Variants in TRAPPC9 observed in about 807,000 individuals in gnomAD.
TRAPPC9 encodes trafficking protein particle complex subunit 9.
A neutral mutation model predicts 124.0 loss-of-function variants in TRAPPC9; 83 were observed. The ratio of observed to expected loss-of-function variants is 0.67; its 90% CI spans 0.56 to 0.80. The LOEUF is 0.80. Ranked by LOEUF, TRAPPC9 falls within the 30% of genes least tolerant of loss-of-function variation. The pLI is 0.00. For missense variants in TRAPPC9, 1,302 were observed against 1,508.3 expected, an observed-to-expected ratio of 0.86 and a Z score of 2.27; for synonymous variants, 638 against 617.5, an observed-to-expected ratio of 1.03 and a Z score of -0.49.
In TRAPPC9 at chr8:140,004,229, T is replaced by C. The variant is rs540183523; in HGVS notation, c.2700-15393A>G. ...TGATTCTAAGTGGCAGTGTGTGAAG[T>C]GTTGCGGGTAATGGAACTGTTCTTT... On this transcript the variant is annotated intron_variant, in intron 18 of 22. Transcript: ENST00000438773. 3.3e-5 allele frequency among the ~76,000 whole-genome samples: 5 copies of C among 152,326 alleles called. No individual in the cohort carries two copies. In the East Asian group the frequency reaches 9.6e-4, roughly 29 times the overall value.
intron 18 of TRAPPC9, among the ~76,000 whole-genome samples, chr8:140,001,388 TAATA>T (rs1838392762): frequency 6.6e-6 from 1 of 151,208 alleles, no homozygotes. Context: ...TAAAGTATAA[TAATA>T]ATAATAATAA....
At chr8:139,853,896 G>A (rs1410964663) in intron 21 of TRAPPC9, among the ~76,000 whole-genome samples, 1 of 152,192 alleles carries the variant, frequency 6.6e-6, no homozygotes, top group Admixed American at 6.5e-5. Context: ...AAATAAATAT[G>A]TTAATATTTT....
At chr8:139,766,804 G>A (rs1820614645) in intron 21 of TRAPPC9, among the ~76,000 whole-genome samples, 1 of 152,226 alleles carries the variant, frequency 6.6e-6, no homozygotes. Context: ...CTCCTCCTAA[G>A]AACACTTTCT....
At chr8:140,309,041 G>A (rs916051541) in intron 10 of TRAPPC9, among the ~76,000 whole-genome samples, 9 of 152,152 alleles carry the variant, frequency 5.9e-5, no homozygotes, top group Admixed American at 5.2e-4. Context: ...GGAAAGGGAC[G>A]CGCACAGAAG....
At chr8:139,914,465 C>T (rs113477942) in intron 19 of TRAPPC9, among the ~76,000 whole-genome samples, 30 of 152,338 alleles carry the variant, frequency 2.0e-4, no homozygotes, top group African/African-American at 6.0e-4. Flanking sequence ...TGGTAGGCAC[C>T]GGGGCAGCAG....
chr8:139,878,907 A>AC (rs1388697188), intron 21 of TRAPPC9, among the ~76,000 whole-genome samples: 1 of 152,264 alleles, frequency 6.6e-6, no homozygotes, highest in Admixed American at 6.5e-5. Flanking sequence ...CTATGATTGC[A>AC]CCACTGCATT....
At chr8:140,033,455 G>A (rs1473534950) in intron 17 of TRAPPC9, among the ~76,000 whole-genome samples, 1 of 151,852 alleles carries the variant, frequency 6.6e-6, no homozygotes, top group Non-Finnish European at 1.5e-5. Flanking sequence ...TCTGGAAGAA[G>A]ACATGGAATA....
chr8:140,086,148 C>T (rs1188007896), intron 17 of TRAPPC9, among the ~76,000 whole-genome samples: 1 of 152,124 alleles, frequency 6.6e-6, no homozygotes, highest in Admixed American at 6.6e-5. Flanking sequence ...GGGCTTGGAT[C>T]GTGTGCTGGA....
chr8:140,117,531 C>T lies in TRAPPC9; in HGVS notation c.2557-93452G>A, dbSNP rs150424839. Reference sequence around the variant, plus strand: ...AAGACAGAAGGGCCAAGAGAGCCCACTCCCCAAAGCTCTTTTATGAAAGCA... The same window carrying T: ...AAGACAGAAGGGCCAAGAGAGCCCATTCCCCAAAGCTCTTTTATGAAAGCA... On this transcript the variant is annotated intron_variant, in intron 17 of 22. Coordinates refer to ENST00000438773, the MANE Select transcript of TRAPPC9 (RefSeq NM_001160372.4). Among the ~76,000 whole-genome samples the T allele has an allele frequency of 3.3e-3, 503 of 152,312 alleles. 2 individuals carry two copies. The highest frequency in any genetic ancestry group is 0.012 in the African/African-American group (484 of 41,560).
At chr8:139,838,938 A>G (rs959587393) in intron 21 of TRAPPC9, among the ~76,000 whole-genome samples, 1 of 152,186 alleles carries the variant, frequency 6.6e-6, no homozygotes, top group Non-Finnish European at 1.5e-5. Flanking sequence ...GCTGATGTGC[A>G]GCAAGAGGGA....
At chr8:140,352,016 C>T (rs896691980) in intron 9 of TRAPPC9, among the ~76,000 whole-genome samples, 4 of 152,180 alleles carry the variant, frequency 2.6e-5, no homozygotes, top group Non-Finnish European at 4.4e-5. Flanking sequence ...CTTTAGCCAT[C>T]GCCCCCACAA....
chr8:140,139,257 C>T (rs2061347880), intron 17 of TRAPPC9, among the ~76,000 whole-genome samples: 1 of 152,136 alleles, frequency 6.6e-6, no homozygotes, highest in Admixed American at 6.5e-5. Context: ...TGGCACATTC[C>T]TATCCCTACT....
intron 9 of TRAPPC9, among the ~76,000 whole-genome samples, chr8:140,352,215 G>A (rs1291998826): frequency 6.6e-6 from 1 of 152,218 alleles, no homozygotes; most frequent in Non-Finnish European, 1.5e-5. Flanking sequence ...TTGTGGTGTG[G>A]CTGCACAACC....
chr8:140,189,335 A>G (rs1171502762), intron 17 of TRAPPC9, among the ~76,000 whole-genome samples: 1 of 152,214 alleles, frequency 6.6e-6, no homozygotes, highest in Non-Finnish European at 1.5e-5. Context: ...TCCTTGCCTT[A>G]GAAGTTCTGC....
chr8:139,884,045 T>C (rs1044111218), intron 21 of TRAPPC9, among the ~76,000 whole-genome samples: 4 of 152,140 alleles, frequency 2.6e-5, no homozygotes, highest in Non-Finnish European at 4.4e-5. Context: ...GGCATGGACC[T>C]CTCCCATGGC....
At chr8:139,925,111 G>C (rs139973298) in intron 19 of TRAPPC9, among the ~76,000 whole-genome samples, 2 of 152,334 alleles carry the variant, frequency 1.3e-5, no homozygotes, top group African/African-American at 4.8e-5. Context: ...GAATCCGGGA[G>C]TAAAACAAAA....
chr8:139,753,193 G>C (rs1013176720), intron 21 of TRAPPC9, among the ~76,000 whole-genome samples: 1 of 107,940 alleles, frequency 9.3e-6, no homozygotes, highest in Non-Finnish European at 1.8e-5. Context: ...ATCTACCCAT[G>C]CATCCATTCA....
intron 17 of TRAPPC9, among the ~76,000 whole-genome samples, chr8:140,039,083 T>C (rs766985336): frequency 2.6e-5 from 4 of 152,198 alleles, no homozygotes; most frequent in Non-Finnish European, 5.9e-5. Flanking sequence ...TGGTAACCAG[T>C]CCATCTTTGA....
chr8:139,858,346 C>G (rs146020616), intron 21 of TRAPPC9, among the ~76,000 whole-genome samples: 45 of 152,216 alleles, frequency 3.0e-4, no homozygotes, highest in African/African-American at 9.6e-4. Context: ...TGCATCTTTG[C>G]GTGATGCTTG....
Sources: allele counts gnomAD v4.1 joint callset (sites outside exome capture counted in the v4.1 genomes callset), GRCh38; gene constraint gnomAD v4.1.1; transcripts MANE v1.5; gene names NCBI Gene and HGNC (gene_info 2026-07-23, HGNC 2026-07-21).